Variants in CRISPLD1 observed in about 807,000 individuals in gnomAD.
CRISPLD1 encodes cysteine-rich secretory protein LCCL domain-containing 1.
Under a neutral mutation model 77.5 loss-of-function variants are expected in CRISPLD1, and 60 were observed. The observed-to-expected ratio is 0.77, with a 90% confidence interval of 0.63 to 0.96. The LOEUF (loss-of-function observed/expected upper bound fraction) is 0.96. CRISPLD1 is among the 40% of genes least tolerant of loss of function. CRISPLD1 has a pLI of 0.00. For missense variants in CRISPLD1, 623 were observed against 615.8 expected, an observed-to-expected ratio of 1.01 and a Z score of -0.12; for synonymous variants, 195 against 200.1, an observed-to-expected ratio of 0.97 and a Z score of 0.22.
chr8:74,990,772 C>CAA (rs200515030), intron 2 of CRISPLD1, among the ~76,000 whole-genome samples: 205 of 107,412 alleles, frequency 1.9e-3, no homozygotes, highest in African/African-American at 5.7e-3. Flanking sequence ...AAGAAACATA[C>CAA]AAAAAAAAAA....
At chr8:74,998,271 A>G (rs1812675956) in intron 2 of CRISPLD1, among the ~76,000 whole-genome samples, 1 of 152,164 alleles carries the variant, frequency 6.6e-6, no homozygotes, top group Non-Finnish European at 1.5e-5. Context: ...AGGGGGTTTG[A>G]GGATAGGACA....
At chr8:74,994,372 T>C (rs542929575) in intron 2 of CRISPLD1, among the ~76,000 whole-genome samples, 3 of 152,350 alleles carry the variant, frequency 2.0e-5, no homozygotes, top group Non-Finnish European at 4.4e-5. Flanking sequence ...TTTCCTGCAT[T>C]TGATGCAAGA....
intron 2 of CRISPLD1, among the ~76,000 whole-genome samples, chr8:75,006,897 A>T (rs947307558): frequency 6.6e-6 from 1 of 152,158 alleles, no homozygotes; most frequent in Non-Finnish European, 1.5e-5. Context: ...CATCAAGCAT[A>T]TAATCTCATA....
chr8:74,994,332 T>G (rs952513469), intron 2 of CRISPLD1, among the ~76,000 whole-genome samples: 5 of 152,212 alleles, frequency 3.3e-5, no homozygotes, highest in African/African-American at 1.2e-4. Context: ...TGAAATTGAC[T>G]TGGTTGGCCA....
chr8:75,016,645 C>G lies in CRISPLD1; in HGVS notation c.808C>G (p.His270Asp). 1.2e-6 allele frequency: 2 copies of G among 1,613,268 alleles called. No homozygotes were observed. Among genetic ancestry groups the G allele is most frequent in the Non-Finnish European group, 1.7e-6 (2 of 1,179,440 alleles). Residue 270 changes from histidine (H) to aspartate (D), a missense_variant, in exon 7 of 15, where the codon CAT becomes GAT. Transcript: ENST00000262207. ...ERQQSQVHDTHVRTRSDDSSR... is the reference protein window; with the variant it reads ...ERQQSQVHDTDVRTRSDDSSR... ...ACAGCAGTCACAAGTCCATGACACC[C>G]ATGTCCGGACAAGATCAGATGATAG...
chr8:75,013,148 A>T (rs1812964336), intron 4 of CRISPLD1, 126 bp downstream of exon 4: 1 of 661,212 alleles, frequency 1.5e-6, no homozygotes, highest in Non-Finnish European at 2.2e-6. Context: ...ATGGATATTG[A>T]TTATGTTGAA....
At chr8:75,023,821 C>T (rs980846548) in intron 12 of CRISPLD1, among the ~76,000 whole-genome samples, 57 of 151,656 alleles carry the variant, frequency 3.8e-4, no homozygotes, top group African/African-American at 9.5e-4. Context: ...TGAATGCAGA[C>T]GAGCCACTTG....
chr8:74,998,478 C>T (rs1027737005), intron 2 of CRISPLD1, among the ~76,000 whole-genome samples: 3 of 151,830 alleles, frequency 2.0e-5, no homozygotes, highest in Non-Finnish European at 4.4e-5. Flanking sequence ...CACCTGAGGT[C>T]AGGAGTTCGA....
intron 2 of CRISPLD1, among the ~76,000 whole-genome samples, chr8:75,002,991 G>A (rs903834134): frequency 6.6e-6 from 1 of 151,944 alleles, no homozygotes; most frequent in Admixed American, 6.5e-5. Context: ...CCTGAGGAAT[G>A]TCTAAAAATC....
rs181465430 is a variant in CRISPLD1 at position 75,030,887 on chromosome 8, C to G, written c.1452-1304C>G. Reference sequence around the variant, plus strand: ...ACACACATATAGATACGTATATACACTTCTATATACACATATACATACATA... The same window carrying G: ...ACACACATATAGATACGTATATACAGTTCTATATACACATATACATACATA... On this transcript the variant is annotated intron_variant, in intron 14 of 14. Coordinates refer to ENST00000262207, the MANE Select transcript of CRISPLD1 (RefSeq NM_031461.6). Among the ~76,000 whole-genome samples the G allele has an allele frequency of 4.6e-5, 7 of 151,660 alleles. No individual in the cohort carries two copies. The East Asian group carries it at 1.4e-3, about 29-fold the overall frequency.
At chr8:75,016,973 G>GAATATAATA (rs1813041477) in intron 8 of CRISPLD1, 32 bp downstream of exon 8, 2 of 1,509,000 alleles carry the variant, frequency 1.3e-6, no homozygotes, top group African/African-American at 2.8e-5. Context: ...AAAATTAATT[G>GAATATAATA]AATATAATAA....
intron 2 of CRISPLD1, chr8:75,000,154 A>G: frequency 1.0e-6 from 1 of 985,248 alleles, no homozygotes; most frequent in Non-Finnish European, 1.2e-6. Context: ...AGTAACCACC[A>G]GAACGCTGGA....
intron 2 of CRISPLD1, among the ~76,000 whole-genome samples, chr8:74,998,034 G>A (rs943866690): frequency 2.0e-5 from 3 of 152,136 alleles, no homozygotes; most frequent in African/African-American, 7.2e-5. Context: ...TTGTTTTTTA[G>A]AGAGCATGTT....
At position 75,016,562 on chromosome 8, in the gene CRISPLD1, C is replaced by T; in HGVS notation, c.728-3C>T. The T allele has an allele frequency of 1.2e-6, 2 of 1,601,770 alleles. No homozygotes were observed. Among genetic ancestry groups the T allele is most frequent in the South Asian group, 1.1e-5 (1 of 89,398 alleles). On this transcript the variant is annotated splice_region_variant and splice_polypyrimidine_tract_variant and intron_variant, in intron 6 of 14. Transcript: ENST00000262207. ...TATTTCCTAAATCTGCTTTCTCTAA[C>T]AGAAGGGTCAGACAGGTATTATCCC...
intron 2 of CRISPLD1, among the ~76,000 whole-genome samples, chr8:74,988,017 C>A (rs571638365): frequency 6.6e-6 from 1 of 152,246 alleles, no homozygotes; most frequent in East Asian, 1.9e-4. Flanking sequence ...AATGTAGATT[C>A]AGAAACCAGC....
intron 2 of CRISPLD1, among the ~76,000 whole-genome samples, chr8:75,008,738 G>A (rs966434537): frequency 2.0e-5 from 3 of 151,898 alleles, no homozygotes; most frequent in African/African-American, 7.3e-5. Context: ...ATTTTTAATG[G>A]ATTAAATAAA....
chr8:75,016,720 T>G lies in CRISPLD1; in HGVS notation c.868+15T>G, dbSNP rs1469900301. On this transcript the variant is annotated intron_variant, in intron 7 of 14. Coordinates refer to ENST00000262207, the MANE Select transcript of CRISPLD1 (RefSeq NM_031461.6). ...ACAGCAAATGTGTAAGACCTCCATA[T>G]TACTTATAAAAATTTTCAAAGTACA... 1 of 1,594,422 alleles carries G rather than the reference T, an allele frequency of 6.3e-7. No homozygotes were observed. The highest frequency in any genetic ancestry group is 1.4e-5 in the African/African-American group (1 of 73,730).
At chr8:75,003,618 A>G (rs886249582) in intron 2 of CRISPLD1, among the ~76,000 whole-genome samples, 18 of 152,310 alleles carry the variant, frequency 1.2e-4, no homozygotes, top group African/African-American at 4.3e-4. Flanking sequence ...TTATTCTTAC[A>G]AAATGGCCTA....
chr8:74,988,609 G>C (rs1340133119), intron 2 of CRISPLD1, among the ~76,000 whole-genome samples: 2 of 152,104 alleles, frequency 1.3e-5, no homozygotes, highest in African/African-American at 4.8e-5. Context: ...AGAGGTGGGA[G>C]GATCACTTGA....
Sources: allele counts gnomAD v4.1 joint callset (sites outside exome capture counted in the v4.1 genomes callset), GRCh38; gene constraint gnomAD v4.1.1; transcripts MANE v1.5; gene names NCBI Gene and HGNC (gene_info 2026-07-23, HGNC 2026-07-21).